The following SEMA3D variants were observed in gnomAD, a reference collection of about 807,000 sequenced individuals.
SEMA3D encodes the protein semaphorin-3D.
A neutral mutation model predicts 100.1 loss-of-function variants in SEMA3D; 84 were observed. The ratio of observed to expected loss-of-function variants is 0.84; its 90% CI spans 0.70 to 1.01. The LOEUF (loss-of-function observed/expected upper bound fraction) is 1.01, where lower values mean the gene tolerates loss of function less well. Ranked by LOEUF, SEMA3D falls within the 50% of genes least tolerant of loss-of-function variation. SEMA3D has a pLI of 0.00. For synonymous variants in SEMA3D, 312 were observed against 320.7 expected (o/e 0.97, Z 0.29); for missense variants, 875 against 934.1 (o/e 0.94, Z 0.82).
chr7:85,214,154 T>C, the SEMA3D span, among the ~76,000 whole-genome samples: 1 of 152,180 alleles, frequency 6.6e-6, no homozygotes, highest in Non-Finnish European at 1.5e-5. Flanking sequence ...GGAAGAGTAA[T>C]AAAATACACA....
At chr7:85,135,635 C>A (rs1789841109) in intron 2 of SEMA3D, among the ~76,000 whole-genome samples, 1 of 149,110 alleles carries the variant, frequency 6.7e-6, no homozygotes, top group Admixed American at 6.7e-5. Context: ...TGCACATGTA[C>A]CCTAGAACTT....
the SEMA3D span, among the ~76,000 whole-genome samples, chr7:85,250,205 T>G: frequency 7.0e-6 from 1 of 142,708 alleles, no homozygotes; most frequent in Admixed American, 7.5e-5. Context: ...CGCACCTGGC[T>G]CGGAGGGTCC....
At chr7:85,020,437 A>C (rs1790223144) in intron 13 of SEMA3D, 116 bp from the exon 14 acceptor site, 2 of 689,934 alleles carry the variant, frequency 2.9e-6, no homozygotes, top group Admixed American at 5.0e-5. Context: ...CCTTTCAAAA[A>C]ACAGATTAAA....
At chr7:85,083,538 C>A (rs1332930206) in intron 4 of SEMA3D, among the ~76,000 whole-genome samples, 1 of 152,176 alleles carries the variant, frequency 6.6e-6, no homozygotes, top group African/African-American at 2.4e-5. Flanking sequence ...AAATACTGGA[C>A]TGAGTGCTTC....
intron 16 of SEMA3D, among the ~76,000 whole-genome samples, chr7:85,014,495 T>C (rs183537658): frequency 2.2e-4 from 33 of 151,906 alleles, no homozygotes; most frequent in African/African-American, 7.9e-4. Flanking sequence ...AAAATAGCAT[T>C]ATTTCTAAGA....
At chr7:85,245,421 T>A in the SEMA3D span, among the ~76,000 whole-genome samples, 1 of 152,200 alleles carries the variant, frequency 6.6e-6, no homozygotes, top group Non-Finnish European at 1.5e-5. Context: ...TATGCCTGTT[T>A]TTAAGAACTA....
chr7:85,030,495 T>C (rs1243585661), intron 12 of SEMA3D, among the ~76,000 whole-genome samples: 1 of 152,054 alleles, frequency 6.6e-6, no homozygotes, highest in Non-Finnish European at 1.5e-5. Context: ...AAGGAATCAT[T>C]ATTTTTACAA....
rs1156773006 is a variant in SEMA3D at position 84,995,634 on chromosome 7, ATAC to A, written c.*3803_*3805del. On this transcript the variant is annotated 3_prime_UTR_variant, in exon 19 of 19. Coordinates refer to ENST00000284136, the MANE Select transcript of SEMA3D (RefSeq NM_001384900.1). ...ACATTTAACAATTTTTAATTATTTC[ATAC>A]TACAAGACTACATTTCTTTTAAAAT... is the stretch of plus-strand genomic sequence containing the variant. 6.6e-5 allele frequency: 10 copies of A among 152,078 alleles called. No homozygotes were observed. 9.4% of individuals were successfully genotyped at this position (152,078 alleles called of 1,614,324 possible).
chr7:85,061,158 C>A (rs1402703338), intron 8 of SEMA3D, among the ~76,000 whole-genome samples: 8 of 152,076 alleles, frequency 5.3e-5, no homozygotes, highest in African/African-American at 1.9e-4. Context: ...ACACTTTTTA[C>A]AACTTCAAAT....
intron 4 of SEMA3D, among the ~76,000 whole-genome samples, chr7:85,096,003 T>C (rs934013258): frequency 3.0e-4 from 45 of 152,006 alleles, no homozygotes; most frequent in Admixed American, 1.2e-3. Context: ...TTCCAATCCC[T>C]GAAGGCAGAG....
At chr7:85,078,217 T>C (rs753548297) in intron 5 of SEMA3D, among the ~76,000 whole-genome samples, 3 of 152,082 alleles carry the variant, frequency 2.0e-5, no homozygotes, top group Non-Finnish European at 2.9e-5. Flanking sequence ...TTTTTGCTTG[T>C]ATATAATTTG....
chr7:85,052,767 G>A (rs903316396), intron 9 of SEMA3D, among the ~76,000 whole-genome samples: 1 of 151,916 alleles, frequency 6.6e-6, no homozygotes, highest in African/African-American at 2.4e-5. Flanking sequence ...TAATTGTCTA[G>A]TATAGTGCAT....
intron 12 of SEMA3D, among the ~76,000 whole-genome samples, chr7:85,036,665 C>A (rs1486451688): frequency 1.3e-5 from 2 of 151,980 alleles, no homozygotes; most frequent in Non-Finnish European, 2.9e-5. Context: ...TCCACATTGT[C>A]CCCGTGGTTA....
intron 5 of SEMA3D, among the ~76,000 whole-genome samples, chr7:85,075,811 A>G (rs1207230382): frequency 6.6e-6 from 1 of 152,218 alleles, no homozygotes; most frequent in Non-Finnish European, 1.5e-5. Context: ...TTTAAATTTT[A>G]CCTGAGGTTG....
the SEMA3D span, among the ~76,000 whole-genome samples, chr7:85,206,604 G>A: frequency 6.6e-6 from 1 of 152,070 alleles, no homozygotes; most frequent in African/African-American, 2.4e-5. Context: ...ATTTCAACCA[G>A]TTACATGTTC....
At chr7:85,138,461 G>A (rs1789927745) in intron 2 of SEMA3D, among the ~76,000 whole-genome samples, 1 of 151,092 alleles carries the variant, frequency 6.6e-6, no homozygotes, top group Admixed American at 6.6e-5. Context: ...GCTAATTTTT[G>A]TGTACTTTAA....
the SEMA3D span, among the ~76,000 whole-genome samples, chr7:85,203,079 T>G: frequency 6.6e-6 from 1 of 152,206 alleles, no homozygotes; most frequent in Non-Finnish European, 1.5e-5. Flanking sequence ...TGATTTGTCA[T>G]GAGATTTCAG....
At chr7:85,092,650 A>C (rs1159825840) in intron 4 of SEMA3D, among the ~76,000 whole-genome samples, 1 of 152,074 alleles carries the variant, frequency 6.6e-6, no homozygotes, top group Non-Finnish European at 1.5e-5. Flanking sequence ...TTAACTATTT[A>C]GTGAATAATG....
At chr7:85,059,223 A>G (rs1212035065) in intron 8 of SEMA3D, among the ~76,000 whole-genome samples, 1 of 152,228 alleles carries the variant, frequency 6.6e-6, no homozygotes, top group African/African-American at 2.4e-5. Flanking sequence ...AAAAATAAAT[A>G]AAACCCTATC....
Sources: gnomAD v4.1 joint callset for allele counts (sites outside exome capture counted in the v4.1 genomes callset) on GRCh38, gnomAD v4.1.1 for gene constraint, MANE v1.5 for transcripts, NCBI Gene and HGNC (gene_info 2026-07-23, HGNC 2026-07-21) for gene names.